The following PPP2R2B variants were observed in gnomAD, a reference collection of about 807,000 sequenced individuals.
PPP2R2B encodes the protein serine/threonine-protein phosphatase 2A 55 kDa regulatory subunit B beta isoform.
In PPP2R2B, 5 loss-of-function variants were observed where a neutral mutation model predicts 46.0. That is an observed-to-expected ratio of 0.11 (90% CI 0.06 to 0.23). PPP2R2B has a LOEUF of 0.23. Ranked by LOEUF, PPP2R2B falls within the 10% of genes least tolerant of loss-of-function variation. The pLI is 1.00. For synonymous variants in PPP2R2B, 215 were observed against 206.7 expected, an observed-to-expected ratio of 1.04 and a Z score of -0.34; for missense variants, 367 against 575.0, an observed-to-expected ratio of 0.64 and a Z score of 3.70.
intron 2 of PPP2R2B, among the ~76,000 whole-genome samples, chr5:146,786,023 G>A (rs1392673661): frequency 1.3e-5 from 2 of 152,076 alleles, no homozygotes; most frequent in Non-Finnish European, 2.9e-5. Flanking sequence ...ATAGCTAAGA[G>A]AGAAGATTTG....
intron 7 of PPP2R2B, among the ~76,000 whole-genome samples, chr5:146,634,697 C>T (rs1050083891): frequency 6.6e-6 from 1 of 151,974 alleles, no homozygotes; most frequent in Non-Finnish European, 1.5e-5. Context: ...TTGCTGGCTG[C>T]AGAGCTTGGG....
chr5:147,075,898 G>A (rs940181737), intron 2 of PPP2R2B, among the ~76,000 whole-genome samples: 7 of 151,758 alleles, frequency 4.6e-5, no homozygotes, highest in Non-Finnish European at 7.4e-5. Flanking sequence ...AATCACAGTA[G>A]CTAATCATGA....
intron 5 of PPP2R2B, among the ~76,000 whole-genome samples, chr5:146,663,360 A>G (rs1217499206): frequency 1.3e-5 from 2 of 152,238 alleles, no homozygotes; most frequent in Admixed American, 1.3e-4. Context: ...TCATGGAAGC[A>G]TAAACTACAA....
At chr5:146,790,975 G>A (rs540307280) in intron 2 of PPP2R2B, among the ~76,000 whole-genome samples, 5 of 152,216 alleles carry the variant, frequency 3.3e-5, no homozygotes, top group South Asian at 2.1e-4. Context: ...GCTGCAAATC[G>A]GTCAATGTTT....
chr5:147,011,396 A>G lies in PPP2R2B; in HGVS notation c.79+44269T>C, dbSNP rs1040586572. Among the ~76,000 whole-genome samples the G allele has an allele frequency of 2.6e-5, 4 of 152,136 alleles. No homozygotes were observed. The East Asian group carries it at 7.7e-4, about 29-fold the overall frequency. The stretch of plus-strand genomic sequence containing the variant: ...CCTTTAACATGTCATATATATCACC[A>G]TATATATCACAAATAAACTATATAT... On this transcript the variant is annotated intron_variant, in intron 1 of 8. Transcript: ENST00000336640.
intron 1 of PPP2R2B, among the ~76,000 whole-genome samples, chr5:146,931,196 AT>A (rs1763958822): frequency 6.6e-6 from 1 of 152,142 alleles, no homozygotes; most frequent in Admixed American, 6.5e-5. Context: ...TTCCGCAATA[AT>A]ACATTGGCAA....
At chr5:146,595,804 T>A (rs576718506) in intron 8 of PPP2R2B, among the ~76,000 whole-genome samples, 2 of 152,176 alleles carry the variant, frequency 1.3e-5, no homozygotes, top group Non-Finnish European at 2.9e-5. Context: ...CTCATCCTAT[T>A]TGATGTTCTT....
chr5:147,065,725 G>C (rs1757396941), intron 2 of PPP2R2B, among the ~76,000 whole-genome samples: 1 of 152,094 alleles, frequency 6.6e-6, no homozygotes, highest in Admixed American at 6.6e-5. Context: ...GAGTGCATGA[G>C]TATGAGTGTT....
At chr5:146,800,844 T>A (rs946682268) in intron 2 of PPP2R2B, among the ~76,000 whole-genome samples, 1 of 151,776 alleles carries the variant, frequency 6.6e-6, no homozygotes, top group Non-Finnish European at 1.5e-5. Context: ...CCATTCCCAA[T>A]AGCCAGATAT....
chr5:146,708,576 C>T (rs1219142865), intron 2 of PPP2R2B, among the ~76,000 whole-genome samples: 1 of 151,902 alleles, frequency 6.6e-6, no homozygotes, highest in African/African-American at 2.4e-5. Flanking sequence ...TTTTAGTGGA[C>T]AATTCTTCCA....
chr5:146,931,784 A>T (rs1340730827), intron 1 of PPP2R2B, among the ~76,000 whole-genome samples: 1 of 152,212 alleles, frequency 6.6e-6, no homozygotes, highest in Non-Finnish European at 1.5e-5. Context: ...TTTCCATAAC[A>T]TAGTTTACAG....
chr5:146,911,121 T>C (rs1038934035), intron 1 of PPP2R2B, among the ~76,000 whole-genome samples: 4 of 151,878 alleles, frequency 2.6e-5, no homozygotes, highest in Admixed American at 2.0e-4. Flanking sequence ...TCTTGTTTTG[T>C]CCCCCAAGTT....
At chr5:146,999,175 G>C (rs1012411297) in intron 1 of PPP2R2B, among the ~76,000 whole-genome samples, 3 of 152,086 alleles carry the variant, frequency 2.0e-5, no homozygotes, top group Non-Finnish European at 4.4e-5. Context: ...AGCTGCTATG[G>C]ACTCAGTGAT....
intron 7 of PPP2R2B, among the ~76,000 whole-genome samples, chr5:146,601,790 T>C (rs1456526222): frequency 1.3e-5 from 2 of 152,238 alleles, no homozygotes; most frequent in African/African-American, 2.4e-5. Flanking sequence ...TCTGGACTTC[T>C]AGTGTAACCA....
intron 2 of PPP2R2B, among the ~76,000 whole-genome samples, chr5:146,741,112 G>A (rs1752852497): frequency 6.6e-6 from 1 of 151,996 alleles, no homozygotes; most frequent in Non-Finnish European, 1.5e-5. Context: ...TGGGGATCTA[G>A]GCATCCGCAA....
intron 2 of PPP2R2B, among the ~76,000 whole-genome samples, chr5:147,071,457 G>A (rs1402951831): frequency 1.3e-5 from 2 of 152,080 alleles, no homozygotes; most frequent in Admixed American, 6.6e-5. Flanking sequence ...TCCCCATCTT[G>A]CATCTGTCTG....
chr5:147,018,081 T>G (rs942391148), intron 1 of PPP2R2B, among the ~76,000 whole-genome samples: 1 of 143,332 alleles, frequency 7.0e-6, no homozygotes, highest in Admixed American at 7.1e-5. Flanking sequence ...ACACACACAC[T>G]TAGAAGCGTT....
At chr5:146,625,397 A>G (rs1341964892) in intron 7 of PPP2R2B, among the ~76,000 whole-genome samples, 2 of 152,202 alleles carry the variant, frequency 1.3e-5, no homozygotes, top group Non-Finnish European at 2.9e-5. Context: ...GCTTTTACAT[A>G]TGTGTAAAGA....
chr5:146,717,269 T>C (rs1223619772), intron 2 of PPP2R2B, among the ~76,000 whole-genome samples: 1 of 152,164 alleles, frequency 6.6e-6, no homozygotes, highest in African/African-American at 2.4e-5. Context: ...GGAGTGAAAA[T>C]CAGATCACAT....
Sources: allele counts gnomAD v4.1 joint callset (sites outside exome capture counted in the v4.1 genomes callset), GRCh38; gene constraint gnomAD v4.1.1; transcripts MANE v1.5; gene names NCBI Gene and HGNC (gene_info 2026-07-23, HGNC 2026-07-21).